The following CRTC1 variants were observed in gnomAD, a reference collection of about 807,000 sequenced individuals.
CRTC1 encodes the protein CREB-regulated transcription coactivator 1.
Under a neutral mutation model 66.1 loss-of-function variants are expected in CRTC1, and 18 were observed. The ratio of observed to expected loss-of-function variants is 0.27; its 90% CI spans 0.19 to 0.40. The LOEUF is 0.40. Ranked by LOEUF, CRTC1 falls within the 10% of genes least tolerant of loss-of-function variation. CRTC1 has a pLI of 1.00. For synonymous variants in CRTC1, 416 were observed against 398.8 expected (o/e 1.04, Z -0.51); for missense variants, 669 against 887.9 (o/e 0.75, Z 3.13).
intron 2 of CRTC1, among the ~76,000 whole-genome samples, chr19:18,743,239 G>A (rs1436785377): frequency 1.3e-5 from 2 of 152,268 alleles, no homozygotes; most frequent in Non-Finnish European, 2.9e-5. Flanking sequence ...AGACCCCGAG[G>A]CGAGCCCTCC....
Position 18,779,576 on chromosome 19 carries a change from C to T in CRTC1, c.*2194C>T, listed in dbSNP as rs904362197. 1.8e-5 allele frequency: 4 copies of T among 219,282 alleles called. No homozygotes were observed. The highest frequency in any genetic ancestry group is 3.7e-5 in the Non-Finnish European group (4 of 109,454). 13.6% of individuals were successfully genotyped at this position (219,282 alleles called of 1,614,324 possible). ...AAATTACAAGCAACCCGCCTGGATG[C>T]GGTTTTCAAAAGAAGGCATTGAGGA... On this transcript the variant is annotated 3_prime_UTR_variant, in exon 14 of 14. Transcript: ENST00000321949.
chr19:18,735,054 G>A (rs549419137), intron 1 of CRTC1, among the ~76,000 whole-genome samples: 29 of 152,328 alleles, frequency 1.9e-4, no homozygotes, highest in African/African-American at 6.7e-4. Context: ...TGATGGCGAC[G>A]GGCTTCTGAG....
chr19:18,720,350 T>G (rs902517522), intron 1 of CRTC1, among the ~76,000 whole-genome samples: 1 of 151,516 alleles, frequency 6.6e-6, no homozygotes, highest in Admixed American at 6.6e-5. Context: ...TTTCTTTCTT[T>G]CTTTCTTTTT....
chr19:18,761,018 C>T (rs896638781), intron 8 of CRTC1, among the ~76,000 whole-genome samples: 1 of 152,086 alleles, frequency 6.6e-6, no homozygotes, highest in African/African-American at 2.4e-5. Context: ...CCTGAGGCCT[C>T]CAGGGTCTGG....
At chr19:18,762,015 G>A (rs1243139200) in intron 8 of CRTC1, among the ~76,000 whole-genome samples, 1 of 152,182 alleles carries the variant, frequency 6.6e-6, no homozygotes, top group Non-Finnish European at 1.5e-5. Flanking sequence ...TCTCCAGATA[G>A]ACAGGGCCAG....
In CRTC1 at chr19:18,747,131, C is replaced by CG. The variant is rs776171663; in HGVS notation, c.443+17_443+18insG. The CG allele has an allele frequency of 2.9e-5, 22 of 759,270 alleles. No homozygotes were observed. The highest frequency in any genetic ancestry group is 4.2e-5 in the Non-Finnish European group (20 of 477,754). The allele number at this position is 759,270 out of a possible 1,614,324, so 47.0% of individuals were successfully genotyped here. On this transcript the variant is annotated intron_variant, in intron 4 of 13. Transcript: ENST00000321949. ...CTGGAGAAGGTCAGTGGCTGGACAC[C>CG]CCCCCCCCGCCCCCTTCTTGTTGGA...
Position 18,741,977 on chromosome 19 carries a change from GCAACCGCCCCTGCCGGGCCAGAGTGGA to G in CRTC1, c.127-927_127-901del, listed in dbSNP as rs2054120748. On this transcript the variant is annotated intron_variant, in intron 1 of 13. Coordinates refer to ENST00000321949, the MANE Select transcript of CRTC1 (RefSeq NM_015321.3). The surrounding 1 kb of genome is among the most constrained non-coding windows in gnomAD (Gnocchi z 4.2). ...TGTTGTGTACACAGTGTCCACCCTA[GCAACCGCCCCTGCCGGGCCAGAGTGGA>G]CAACCACCCCTCCTTCCTGCCTGCC... Among the ~76,000 whole-genome samples, 1 of 152,060 alleles carries G rather than the reference GCAACCGCCCCTGCCGGGCCAGAGTGGA, an allele frequency of 6.6e-6. No individual in the cohort carries two copies. Among genetic ancestry groups the G allele is most frequent in the Non-Finnish European group, 1.5e-5 (1 of 67,984 alleles).
In CRTC1 at chr19:18,768,934, C is replaced by A; in HGVS notation, c.1320+141C>A. ...AACGCTGCCTGGGCCCACCTCTCCA[C>A]GGGGCTACCCCTTGGAATCAAACTG... On this transcript the variant is annotated intron_variant, in intron 10 of 13. Transcript: ENST00000321949. This position sits in a 1 kb window ranked among gnomAD's most constrained non-coding sequence, Gnocchi z 5.6. The A allele has an allele frequency of 9.5e-7, 1 of 1,057,878 alleles. No individual in the cohort carries two copies. The highest frequency in any genetic ancestry group is 1.3e-6 in the Non-Finnish European group (1 of 752,456). 65.5% of individuals were successfully genotyped at this position (1,057,878 alleles called of 1,614,324 possible).
chr19:18,690,728 A>T (rs1024005781), intron 1 of CRTC1, among the ~76,000 whole-genome samples: 5 of 152,100 alleles, frequency 3.3e-5, no homozygotes, highest in African/African-American at 1.2e-4. Flanking sequence ...TGGTATCCTT[A>T]TGAAGAGTGG....
At chr19:18,765,306 T>G in intron 8 of CRTC1, 98 bp from the exon 9 acceptor site, 5,230 of 1,431,812 alleles carry the variant, frequency 3.7e-3, no homozygotes, top group Non-Finnish European at 4.5e-3. Context: ...TCTGAGCAGT[T>G]GAGCTATTCC....
At chr19:18,735,410 C>T (rs886678447) in intron 1 of CRTC1, among the ~76,000 whole-genome samples, 7 of 152,180 alleles carry the variant, frequency 4.6e-5, no homozygotes, top group African/African-American at 7.2e-5. Flanking sequence ...GGGGACCCCC[C>T]GGGGAGCGGG....
At chr19:18,727,508 G>A (rs1174130897) in intron 1 of CRTC1, among the ~76,000 whole-genome samples, 2 of 137,632 alleles carry the variant, frequency 1.5e-5, no homozygotes, top group African/African-American at 2.7e-5. Flanking sequence ...TTAAACCTGG[G>A]AGGTGGAGGT....
At chr19:18,693,690 C>T (rs868459071) in intron 1 of CRTC1, among the ~76,000 whole-genome samples, 5 of 150,708 alleles carry the variant, frequency 3.3e-5, no homozygotes, top group Non-Finnish European at 7.4e-5. Context: ...TCCCCATGTT[C>T]GCCAGGATGG....
chr19:18,730,475 G>A (rs1319898311), intron 1 of CRTC1, among the ~76,000 whole-genome samples: 1 of 152,016 alleles, frequency 6.6e-6, no homozygotes, highest in African/African-American at 2.4e-5. Context: ...GCCCCCCTAC[G>A]CCCTACAGCC....
At chr19:18,717,748 C>T (rs1011851404) in intron 1 of CRTC1, among the ~76,000 whole-genome samples, 6 of 152,030 alleles carry the variant, frequency 3.9e-5, no homozygotes, top group African/African-American at 7.2e-5. Flanking sequence ...AGAGCAGGGC[C>T]GCAGGGACAT....
chr19:18,739,251 C>T (rs1309239079), intron 1 of CRTC1, among the ~76,000 whole-genome samples: 5 of 152,218 alleles, frequency 3.3e-5, no homozygotes, highest in African/African-American at 9.6e-5. Context: ...AGGTCAGCCC[C>T]GAGCCTCTGT....
chr19:18,717,760 G>A (rs1277183993), intron 1 of CRTC1, among the ~76,000 whole-genome samples: 1 of 152,146 alleles, frequency 6.6e-6, no homozygotes, highest in Non-Finnish European at 1.5e-5. Context: ...CAGGGACATG[G>A]GAGGGCCTCT....
chr19:18,688,422 CTTGTT>C, intron 1 of CRTC1, among the ~76,000 whole-genome samples: 1 of 151,934 alleles, frequency 6.6e-6, no homozygotes, highest in East Asian at 1.9e-4. Flanking sequence ...AGCCTCCCTG[CTTGTT>C]TTGTTTGTTT....
intron 1 of CRTC1, among the ~76,000 whole-genome samples, chr19:18,701,719 C>T (rs749255903): frequency 5.3e-5 from 8 of 151,952 alleles, no homozygotes; most frequent in Non-Finnish European, 8.8e-5. Context: ...GATTCTCCTA[C>T]CTCAGCCTCC....
Sources: gnomAD v4.1 joint callset for allele counts (sites outside exome capture counted in the v4.1 genomes callset) on GRCh38, gnomAD v4.1.1 for gene constraint, Gnocchi (gnomAD v3.1) non-coding constraint, MANE v1.5 for transcripts, NCBI Gene and HGNC (gene_info 2026-07-23, HGNC 2026-07-21) for gene names.